The following ACTR3C variants were observed in gnomAD, a reference collection of about 807,000 sequenced individuals.
The protein encoded by ACTR3C is actin-related protein 3C.
A neutral mutation model predicts 26.3 loss-of-function variants in ACTR3C; 18 were observed. The observed-to-expected ratio is 0.68, with a 90% CI of 0.47 to 1.01. The LOEUF is 1.01. Among genes scored for constraint, ACTR3C ranks in the 50% least tolerant of loss-of-function variants. The probability of loss-of-function intolerance (pLI) is 0.00; values close to 1 mark genes in which losing one functional copy is unlikely to be tolerated. For synonymous variants in ACTR3C, 55 were observed against 94.5 expected, an observed-to-expected ratio of 0.58 and a Z score of 2.42; for missense variants, 184 against 250.7, an observed-to-expected ratio of 0.73 and a Z score of 1.80.
At chr7:149,907,485 T>TCTCTCTCTCC in the ACTR3C span, among the ~76,000 whole-genome samples, 1 of 65,060 alleles carries the variant, frequency 1.5e-5, no homozygotes, top group African/African-American at 4.4e-5. Flanking sequence ...CTCTTCTCTC[T>TCTCTCTCTCC]CTCTCTCTCT....
the ACTR3C span, among the ~76,000 whole-genome samples, chr7:149,978,318 C>A: frequency 6.6e-6 from 1 of 151,742 alleles, no homozygotes; most frequent in Non-Finnish European, 1.5e-5. Context: ...AGTGTGCGTC[C>A]ACGTGACTAT....
the ACTR3C span, among the ~76,000 whole-genome samples, chr7:149,949,681 C>T: frequency 2.0e-5 from 3 of 146,826 alleles, no homozygotes. Context: ...TGCCTGGGAC[C>T]CCAGGACCAA....
intron 6 of ACTR3C, among the ~76,000 whole-genome samples, chr7:150,276,421 G>C (rs2462085): frequency 0.23 from 34,498 of 151,924 alleles, 6,121 homozygotes; most frequent in African/African-American, 0.49. Context: ...AGCCCCTGCT[G>C]TTTCTATATT....
the ACTR3C span, among the ~76,000 whole-genome samples, chr7:150,021,341 T>A: frequency 2.0e-5 from 3 of 152,074 alleles, no homozygotes; most frequent in East Asian, 5.8e-4. Flanking sequence ...ATACGTTTTA[T>A]CACCTATGAA....
chr7:150,153,024 T>G, the ACTR3C span, among the ~76,000 whole-genome samples: 2 of 152,208 alleles, frequency 1.3e-5, no homozygotes, highest in African/African-American at 2.4e-5. Flanking sequence ...TTGATTCTTC[T>G]CTCTTTTCTT....
the ACTR3C span, among the ~76,000 whole-genome samples, chr7:149,889,480 C>T: frequency 6.6e-6 from 1 of 152,134 alleles, no homozygotes; most frequent in African/African-American, 2.4e-5. Context: ...TGTATATTCC[C>T]AGCAACTCAC....
intron 3 of ACTR3C, 32 bp from the exon 4 acceptor site, chr7:150,289,625 T>C (rs1187210079): frequency 1.3e-6 from 2 of 1,567,038 alleles, no homozygotes; most frequent in Non-Finnish European, 1.7e-6. Context: ...AACAGCTGTG[T>C]TAGTGATTTC....
At chr7:149,906,439 T>C in the ACTR3C span, among the ~76,000 whole-genome samples, 2 of 31,872 alleles carry the variant, frequency 6.3e-5, no homozygotes, top group African/African-American at 1.6e-4. Flanking sequence ...TTTTTTTTTT[T>C]TTTTTTTTTT....
the ACTR3C span, among the ~76,000 whole-genome samples, chr7:150,042,571 C>T: frequency 6.7e-6 from 1 of 149,058 alleles, no homozygotes; most frequent in South Asian, 2.1e-4. Context: ...TGAGTCCCCG[C>T]CTCGCGGGGG....
chr7:150,033,929 C>A, the ACTR3C span, among the ~76,000 whole-genome samples: 128 of 149,894 alleles, frequency 8.5e-4, no homozygotes, highest in African/African-American at 3.0e-3. Context: ...GGTGCCTCCC[C>A]CCCTGCGATG....
At chr7:150,035,826 C>G in the ACTR3C span, among the ~76,000 whole-genome samples, 50 of 131,538 alleles carry the variant, frequency 3.8e-4, 4 homozygotes, top group Admixed American at 1.4e-3. Flanking sequence ...CAGTCCCTGC[C>G]TTGCGGGGGT....
chr7:149,883,536 AAAAGT>A, the ACTR3C span, among the ~76,000 whole-genome samples: 2 of 152,216 alleles, frequency 1.3e-5, no homozygotes, highest in African/African-American at 4.8e-5. Context: ...ACTGAGAAAA[AAAAGT>A]AAAGGTAACC....
At chr7:149,914,132 TC>T in the ACTR3C span, among the ~76,000 whole-genome samples, 1 of 151,626 alleles carries the variant, frequency 6.6e-6, no homozygotes, top group Non-Finnish European at 1.5e-5. Context: ...CAAGGGATCC[TC>T]CCACCTTGGC....
At chr7:150,087,140 G>A in the ACTR3C span, among the ~76,000 whole-genome samples, 1 of 93,684 alleles carries the variant, frequency 1.1e-5, no homozygotes, top group South Asian at 3.7e-4. Flanking sequence ...TTGGTTGTAT[G>A]TTGTTTTTTT....
the ACTR3C span, chr7:149,892,361 T>G: frequency 6.3e-7 from 1 of 1,596,590 alleles, no homozygotes; most frequent in Non-Finnish European, 8.5e-7. Context: ...TCCTTTGGGC[T>G]TGGTCAACTA....
intron 6 of ACTR3C, among the ~76,000 whole-genome samples, chr7:150,271,935 A>AG (rs1299029834): frequency 2.0e-5 from 3 of 148,136 alleles, no homozygotes; most frequent in Non-Finnish European, 4.4e-5. Context: ...CTTTAATGGA[A>AG]GGGTTATTTC....
chr7:149,926,174 C>T, the ACTR3C span, among the ~76,000 whole-genome samples: 1 of 152,032 alleles, frequency 6.6e-6, no homozygotes. Flanking sequence ...TGAATAAATC[C>T]GATTGCCTAA....
the ACTR3C span, among the ~76,000 whole-genome samples, chr7:150,198,646 G>A: frequency 7.4e-5 from 11 of 148,294 alleles, no homozygotes; most frequent in East Asian, 1.2e-3. Flanking sequence ...TCCTCCGCCC[G>A]GCAGCTGCCC....
the ACTR3C span, among the ~76,000 whole-genome samples, chr7:150,206,613 G>A: frequency 6.6e-6 from 1 of 151,964 alleles, no homozygotes; most frequent in Non-Finnish European, 1.5e-5. Flanking sequence ...GTAGAGACAG[G>A]GTTTCTCCAT....
Sources: allele counts gnomAD v4.1 joint callset (sites outside exome capture counted in the v4.1 genomes callset), GRCh38; gene constraint gnomAD v4.1.1; transcripts MANE v1.5; gene names NCBI Gene and HGNC (gene_info 2026-07-23, HGNC 2026-07-21).